ROBO2: variants seen among roughly 807,000 people sequenced by gnomAD.
ROBO2 encodes roundabout guidance receptor 2, also known as roundabout homolog 2.
Under a neutral mutation model 160.8 loss-of-function variants are expected in ROBO2, and 53 were observed. The ratio of observed to expected loss-of-function variants is 0.33; its 90% CI spans 0.26 to 0.41. The LOEUF (loss-of-function observed/expected upper bound fraction) is 0.41. Among genes scored for constraint, ROBO2 ranks in the 10% least tolerant of loss-of-function variants. ROBO2 has a pLI of 1.00. For synonymous variants in ROBO2, 664 were observed against 611.7 expected (o/e 1.09, Z -1.26); for missense variants, 1,577 against 1,722.4 (o/e 0.92, Z 1.49).
intron 2 of ROBO2, among the ~76,000 whole-genome samples, chr3:76,817,333 T>G (rs1283570281): frequency 6.6e-6 from 1 of 152,090 alleles, no homozygotes; most frequent in African/African-American, 2.4e-5. Flanking sequence ...ATATGTGGTT[T>G]TGTAGAGTGT....
Position 76,945,962 on chromosome 3 carries a change from G to C in ROBO2, c.110-152052G>C, listed in dbSNP as rs1229288922. ...AACTCATTATGGGCTGTCTTTTTCT[G>C]CTTTTGTTGCATGCCTTTTAATAGT... On this transcript the variant is annotated intron_variant, in intron 2 of 26. Coordinates refer to the ROBO2 transcript ENST00000487694. Among the ~76,000 whole-genome samples, 9 of 152,192 alleles carry C rather than the reference G, an allele frequency of 5.9e-5. No homozygotes were observed. In the South Asian group the frequency reaches 1.9e-3, roughly 32 times the overall value.
intron 2 of ROBO2, among the ~76,000 whole-genome samples, chr3:76,694,154 A>G (rs1229973257): frequency 1.3e-5 from 2 of 152,190 alleles, no homozygotes; most frequent in African/African-American, 4.8e-5. Context: ...CCTCACTTAC[A>G]TCAGTCGTGC....
exon 22 of ROBO2, chr3:77,617,588 A>C: frequency 6.2e-7 from 1 of 1,614,184 alleles, no homozygotes; most frequent in Non-Finnish European, 8.5e-7. Context: ...ATGAACTGGA[A>C]GAAGATGATG....
intron 2 of ROBO2, among the ~76,000 whole-genome samples, chr3:76,382,257 A>G (rs553634636): frequency 2.0e-5 from 3 of 152,258 alleles, no homozygotes; most frequent in African/African-American, 4.8e-5. Flanking sequence ...CATGAGCCAC[A>G]GCGCTCGGCC....
intron 2 of ROBO2, among the ~76,000 whole-genome samples, chr3:76,165,548 AT>A (rs1351046608): frequency 6.6e-6 from 1 of 151,968 alleles, no homozygotes; most frequent in Non-Finnish European, 1.5e-5. Flanking sequence ...AGCACTTTAA[AT>A]TTTCTTCAAG....
intron 2 of ROBO2, among the ~76,000 whole-genome samples, chr3:76,192,761 G>GT (rs1559627683): frequency 6.6e-6 from 1 of 151,932 alleles, no homozygotes; most frequent in Non-Finnish European, 1.5e-5. Flanking sequence ...TCACATTTAA[G>GT]TTTTTTCATT....
chr3:76,282,114 T>C (rs889367809), intron 2 of ROBO2, among the ~76,000 whole-genome samples: 3 of 152,136 alleles, frequency 2.0e-5, no homozygotes, highest in East Asian at 3.9e-4. Context: ...TCTTCACAAG[T>C]GTCTCAAAAG....
chr3:76,489,157 T>TA (rs1460859380), intron 2 of ROBO2, among the ~76,000 whole-genome samples: 1 of 150,076 alleles, frequency 6.7e-6, no homozygotes, highest in African/African-American at 2.4e-5. Context: ...TTTTTTTGTT[T>TA]TTTTTTTTGG....
At chr3:76,870,554 A>T (rs983717923) in intron 2 of ROBO2, among the ~76,000 whole-genome samples, 2 of 152,230 alleles carry the variant, frequency 1.3e-5, no homozygotes, top group African/African-American at 4.8e-5. Flanking sequence ...CTCTCTGCTA[A>T]ACTACAGTTT....
chr3:77,273,609 C>G (rs2059640969), intron 2 of ROBO2, among the ~76,000 whole-genome samples: 1 of 152,116 alleles, frequency 6.6e-6, no homozygotes, highest in Admixed American at 6.6e-5. Flanking sequence ...TATTCTTGTA[C>G]AGATTTCTAA....
At chr3:77,171,814 C>T (rs2079667073) in intron 2 of ROBO2, among the ~76,000 whole-genome samples, 1 of 152,170 alleles carries the variant, frequency 6.6e-6, no homozygotes, top group South Asian at 2.1e-4. Context: ...CGTTCCATTG[C>T]TTCGGAATTT....
At chr3:77,617,752 T>G (rs751766627) in exon 22 of ROBO2, 9 of 1,613,496 alleles carry the variant, frequency 5.6e-6, no homozygotes, top group South Asian at 2.2e-5. Flanking sequence ...GCCTATCAGT[T>G]TGATATAGCA....
chr3:77,478,660 T>C (rs561147319), intron 3 of ROBO2, among the ~76,000 whole-genome samples: 1 of 152,336 alleles, frequency 6.6e-6, no homozygotes, highest in East Asian at 1.9e-4. Flanking sequence ...TGAGAGTGAA[T>C]ACATTTAAGA....
At chr3:76,455,379 A>G (rs1354312287) in intron 2 of ROBO2, among the ~76,000 whole-genome samples, 1 of 152,146 alleles carries the variant, frequency 6.6e-6, no homozygotes, top group African/African-American at 2.4e-5. Context: ...TCTTTTTCAT[A>G]TGGTGTCAGT....
rs9837203 is a variant in ROBO2, at chr3:75,939,455, A to T, written c.109+1853A>T. 3.3e-5 allele frequency among the ~76,000 whole-genome samples: 5 copies of T among 152,086 alleles called. No homozygotes were observed. In the South Asian group the frequency reaches 1.0e-3, roughly 32 times the overall value. On this transcript the variant is annotated intron_variant, in intron 2 of 26. Transcript: ENST00000487694. Reference sequence around the variant, plus strand: ...TGGGGACCATCATTTATTAAAAAACAGCCTGAAATCAATTCCAAGTCTAGC... The same window carrying T: ...TGGGGACCATCATTTATTAAAAAACTGCCTGAAATCAATTCCAAGTCTAGC...
intron 21 of ROBO2, among the ~76,000 whole-genome samples, chr3:77,613,365 C>T (rs533384747): frequency 4.5e-4 from 69 of 152,030 alleles, no homozygotes; most frequent in Non-Finnish European, 7.5e-4. Context: ...CATTTTCGTT[C>T]TTTTTTCCAA....
intron 2 of ROBO2, among the ~76,000 whole-genome samples, chr3:76,884,123 A>G (rs1443419387): frequency 6.6e-6 from 1 of 152,208 alleles, no homozygotes; most frequent in Non-Finnish European, 1.5e-5. Context: ...TGCTTTTTTG[A>G]TAGATGAAAA....
chr3:76,365,104 A>T (rs2108428439), intron 2 of ROBO2, among the ~76,000 whole-genome samples: 1 of 152,170 alleles, frequency 6.6e-6, no homozygotes, highest in Non-Finnish European at 1.5e-5. Context: ...TCAGAGTTGA[A>T]GCAAATCACA....
Position 76,090,753 on chromosome 3 carries a change from G to T in ROBO2, c.109+153151G>T, listed in dbSNP as rs1252438371. Among the ~76,000 whole-genome samples, 7 of 151,680 alleles carry T rather than the reference G, an allele frequency of 4.6e-5. No homozygotes were observed. The East Asian group carries it at 1.4e-3, about 29-fold the overall frequency. ...GGTGAAAGAACAGACACATAGAACGGAACGGAACGGAACGGAACGGGAGAG... is the reference window on the plus strand; with the variant it reads ...GGTGAAAGAACAGACACATAGAACGTAACGGAACGGAACGGAACGGGAGAG... On this transcript the variant is annotated intron_variant, in intron 2 of 26. Transcript: ENST00000487694.
Sources: allele counts gnomAD v4.1 joint callset (sites outside exome capture counted in the v4.1 genomes callset), GRCh38; gene constraint gnomAD v4.1.1; transcripts MANE v1.5; gene names NCBI Gene and HGNC (gene_info 2026-07-23, HGNC 2026-07-21).